The following ZZEF1 variants were observed in gnomAD, a reference collection of about 807,000 sequenced individuals.
ZZEF1 encodes zinc finger ZZ-type and EF-hand domain containing 1, also known as zinc finger ZZ-type and EF-hand domain-containing protein 1.
A neutral mutation model predicts 342.8 loss-of-function variants in ZZEF1; 157 were observed. The ratio of observed to expected loss-of-function variants is 0.46; its 90% CI spans 0.40 to 0.52. The LOEUF is 0.52. Among genes scored for constraint, ZZEF1 ranks in the 20% least tolerant of loss-of-function variants. ZZEF1 has a pLI of 0.00. For synonymous variants in ZZEF1, 1,505 were observed against 1,429.1 expected, an observed-to-expected ratio of 1.05 and a Z score of -1.20; for missense variants, 3,480 against 3,725.6, an observed-to-expected ratio of 0.93 and a Z score of 1.72.
rs1356594898 is a variant in ZZEF1 at position 4,066,457 on chromosome 17, AG to A, written c.4238del (p.Pro1413LeufsTer16). On this transcript the variant is annotated frameshift_variant, in exon 28 of 55. Transcript: ENST00000381638. LOFTEE classifies it high-confidence loss of function. ...KHSSEATEVN[P>X]ESLAKECIEK... is the part of the protein sequence containing the mutation. ...TGTTAGCACACTCACCCAGGCTCTC[AG>A]GGTTCACCTCAGTAGCTTCTGAACT... 2.5e-6 allele frequency: 4 copies of A among 1,613,976 alleles called. No homozygotes were observed. The African/African-American group carries it at 5.3e-5, about 22-fold the overall frequency.
Position 4,027,286 on chromosome 17 carries a change from C to CTTTTTTTTTTT in ZZEF1, c.6893-2179_6893-2169dup, listed in dbSNP as rs1179743466. ...GACCTACGCACCCAGCAATATCTCA[C>CTTTTTTTTTTT]TTTTTTTTTTTTTTTTTTTTTTTTT... On this transcript the variant is annotated intron_variant, in intron 42 of 54. Transcript: ENST00000381638. Among the ~76,000 whole-genome samples the CTTTTTTTTTTT allele has an allele frequency of 7.1e-3, 483 of 67,954 alleles. 110 individuals are homozygous for CTTTTTTTTTTT. The highest frequency in any genetic ancestry group is 0.029 in the African/African-American group (437 of 14,886). The allele number at this position is 67,954 out of a possible 152,430, so 44.6% of individuals were successfully genotyped here. A position where few individuals can be genotyped will look rare whatever the true frequency, so the allele number is the denominator to read the frequency against.
chr17:4,019,616 C>T, intron 46 of ZZEF1, 53 bp downstream of exon 46: 2 of 1,523,386 alleles, frequency 1.3e-6, no homozygotes, highest in South Asian at 2.3e-5. Context: ...ACCCTCCCGC[C>T]CTCACATATT....
intron 2 of ZZEF1, among the ~76,000 whole-genome samples, chr17:4,123,311 C>T (rs1238726132): frequency 4.1e-4 from 27 of 66,606 alleles, no homozygotes; most frequent in Non-Finnish European, 8.1e-4. Context: ...ATATATATAT[C>T]AGAAAAATAT....
intron 24 of ZZEF1, 144 bp downstream of exon 24, chr17:4,074,006 C>T (rs1169012818): frequency 1.7e-5 from 16 of 953,664 alleles, no homozygotes; most frequent in Non-Finnish European, 2.5e-5. Context: ...TGAGTGGACA[C>T]TTTATTCTTT....
intron 16 of ZZEF1, 39 bp from the exon 17 acceptor site, chr17:4,082,543 G>A: frequency 6.3e-7 from 1 of 1,591,600 alleles, no homozygotes; most frequent in Non-Finnish European, 8.6e-7. Flanking sequence ...AGAAAATCTA[G>A]TCCATGACAT....
intron 28 of ZZEF1, among the ~76,000 whole-genome samples, chr17:4,065,461 T>C (rs548785446): frequency 3.4e-4 from 51 of 151,502 alleles, no homozygotes; most frequent in South Asian, 1.3e-3. Context: ...ACTGACAGAA[T>C]AGAAGAACAG....
At chr17:4,013,919 A>G (rs1286534656) in intron 51 of ZZEF1, among the ~76,000 whole-genome samples, 171 bp downstream of exon 51, 3 of 152,232 alleles carry the variant, frequency 2.0e-5, no homozygotes, top group Non-Finnish European at 2.9e-5. Context: ...CAACTAGCCA[A>G]TGAAATCACA....
rs764217859 is a variant in ZZEF1 at position 4,109,743 on chromosome 17, G to A, written c.1187C>T (p.Ala396Val). The change falls in exon 6 of 55, where the codon GCA becomes GTA. Residue 396 changes from alanine (A) to valine (V), a missense_variant. By Grantham distance (64) the Ala-to-Val change is moderately conservative (BLOSUM62 0). Transcript: ENST00000381638. ...KSGVSVSDAS[A>V]IWYWSLLTSL... The stretch of plus-strand genomic sequence containing the variant: ...TGTCAGCAGAGACCAATACCATATT[G>A]CAGAAGCATCTGAGACTGAGACCCC... 8 of 1,614,138 alleles carry A rather than the reference G, an allele frequency of 5.0e-6. No individual in the cohort carries two copies. Among genetic ancestry groups the A allele is most frequent in the Non-Finnish European group, 6.8e-6 (8 of 1,180,024 alleles).
At chr17:4,112,104 GTTTTT>G (rs1567851737) in intron 5 of ZZEF1, among the ~76,000 whole-genome samples, 1 of 63,460 alleles carries the variant, frequency 1.6e-5, no homozygotes, top group South Asian at 5.3e-4. Context: ...GTTTTGTTTT[GTTTTT>G]AATGAAAAAA....
At chr17:4,076,799 G>A (rs2057630646) in intron 20 of ZZEF1, 40 bp from the exon 21 acceptor site, 1 of 1,611,230 alleles carries the variant, frequency 6.2e-7, no homozygotes, top group Non-Finnish European at 8.5e-7. Flanking sequence ...TCCACCTTAG[G>A]CTGGGCCTGG....
chr17:4,036,349 C>T (rs1266995148), intron 39 of ZZEF1, among the ~76,000 whole-genome samples: 1 of 151,642 alleles, frequency 6.6e-6, no homozygotes, highest in Non-Finnish European at 1.5e-5. Context: ...GTAGACTCCG[C>T]TAGAATTCCA....
At chr17:4,141,856 T>G (rs568271953) in intron 1 of ZZEF1, among the ~76,000 whole-genome samples, 37 of 152,316 alleles carry the variant, frequency 2.4e-4, no homozygotes, top group African/African-American at 8.9e-4. Flanking sequence ...AAGGAAAATA[T>G]TTTGTTGCCA....
In ZZEF1 at chr17:4,023,654, TCCAAAAA is replaced by T. The variant is rs1366187401; in HGVS notation, c.7093-833_7093-827del. Among the ~76,000 whole-genome samples the T allele has an allele frequency of 7.6e-4, 20 of 26,284 alleles. No individual in the cohort carries two copies. In the South Asian group the frequency reaches 9.2e-3, roughly 12 times the overall value. The allele number at this position is 26,284 out of a possible 152,430, so 17.2% of individuals were successfully genotyped here. ...GGGAAACTTAGCAAGACCCTGTCTC[TCCAAAAA>T]AAAAAAAAAAAAAAAAATTAACTGG... On this transcript the variant is annotated intron_variant, in intron 43 of 54. Transcript: ENST00000381638.
At chr17:4,106,645 C>T (rs1457723996) in intron 6 of ZZEF1, among the ~76,000 whole-genome samples, 2 of 152,086 alleles carry the variant, frequency 1.3e-5, no homozygotes, top group Admixed American at 6.6e-5. Context: ...TTAGTGTTTC[C>T]CTTTTCTTGT....
At chr17:4,015,861 G>A (rs2056086731) in intron 49 of ZZEF1, among the ~76,000 whole-genome samples, 1 of 152,232 alleles carries the variant, frequency 6.6e-6, no homozygotes, top group Admixed American at 6.5e-5. Context: ...TCCCTGCCCA[G>A]GCACAAAGTT....
intron 52 of ZZEF1, among the ~76,000 whole-genome samples, 178 bp from the exon 53 acceptor site, chr17:4,009,935 A>C (rs1597746710): frequency 6.6e-6 from 1 of 152,172 alleles, no homozygotes; most frequent in South Asian, 2.1e-4. Context: ...CCAACAGCAA[A>C]GAAGGAAAGG....
intron 37 of ZZEF1, among the ~76,000 whole-genome samples, chr17:4,046,532 G>A (rs538174950): frequency 6.6e-5 from 10 of 152,260 alleles, no homozygotes; most frequent in East Asian, 1.9e-4. Context: ...GTGACATGCC[G>A]TCTCCCAGGG....
chr17:4,126,170 C>G (rs764817294), intron 1 of ZZEF1, among the ~76,000 whole-genome samples: 1 of 146,170 alleles, frequency 6.8e-6, no homozygotes, highest in Admixed American at 7.1e-5. Context: ...GGCTGCAGTG[C>G]GCTGAGATCA....
chr17:4,076,268 A>G lies in ZZEF1; in HGVS notation c.3234+369T>C, dbSNP rs544938297. The G allele has an allele frequency of 5.4e-3, 832 of 152,850 alleles. 8 individuals carry two copies. The highest frequency in any genetic ancestry group is 0.02 in the African/African-American group (799 of 40,530). 9.5% of individuals were successfully genotyped at this position (152,850 alleles called of 1,614,324 possible). On this transcript the variant is annotated intron_variant, in intron 21 of 54. Transcript: ENST00000381638. ...TGCCTCAGCCTCCCGAGTAGCTGGG[A>G]CTACAGGCGCCCACCATCACGCCCG... is the stretch of plus-strand genomic sequence containing the variant.
Sources: allele counts gnomAD v4.1 joint callset (sites outside exome capture counted in the v4.1 genomes callset), GRCh38; gene constraint gnomAD v4.1.1; transcripts MANE v1.5; gene names NCBI Gene and HGNC (gene_info 2026-07-23, HGNC 2026-07-21).